NCAM1: variants seen among roughly 807,000 people sequenced by gnomAD.
The protein encoded by NCAM1 is antigen recognized by monoclonal antibody 5.1H11.
A neutral mutation model predicts 109.8 loss-of-function variants in NCAM1; 14 were observed. The observed-to-expected ratio is 0.13, with a 90% confidence interval of 0.08 to 0.20. The LOEUF is 0.20. Among genes scored for constraint, NCAM1 ranks in the 10% least tolerant of loss-of-function variants. The pLI is 1.00. For synonymous variants in NCAM1, 418 were observed against 442.9 expected, an observed-to-expected ratio of 0.94 and a Z score of 0.70; for missense variants, 774 against 1,109.9, an observed-to-expected ratio of 0.70 and a Z score of 4.30.
intron 17 of NCAM1, among the ~76,000 whole-genome samples, chr11:113,268,283 T>C (rs550561666): frequency 4.6e-5 from 7 of 152,372 alleles, no homozygotes; most frequent in African/African-American, 1.7e-4. Flanking sequence ...TGACCCATTC[T>C]AGCTGACGGC....
chr11:113,095,453 A>G (rs1939552868), intron 1 of NCAM1, among the ~76,000 whole-genome samples: 1 of 152,214 alleles, frequency 6.6e-6, no homozygotes, highest in Admixed American at 6.5e-5. Context: ...TACACAGTCC[A>G]GCAATTGCTT....
chr11:113,178,546 C>T (rs893454693), intron 1 of NCAM1, among the ~76,000 whole-genome samples: 5 of 152,204 alleles, frequency 3.3e-5, no homozygotes, highest in East Asian at 1.9e-4. Context: ...CTCCTTCATC[C>T]GGGAGGCCAA....
intron 1 of NCAM1, among the ~76,000 whole-genome samples, chr11:113,176,552 T>C (rs1943147835): frequency 6.6e-6 from 1 of 152,220 alleles, no homozygotes; most frequent in Non-Finnish European, 1.5e-5. Flanking sequence ...CCATCTGGTC[T>C]ACTCTGAGGT....
chr11:113,155,700 G>T (rs950358710), intron 1 of NCAM1, among the ~76,000 whole-genome samples: 1 of 152,022 alleles, frequency 6.6e-6, no homozygotes, highest in African/African-American at 2.4e-5. Context: ...TAGTTGCCCA[G>T]TTATATGTCC....
intron 1 of NCAM1, among the ~76,000 whole-genome samples, chr11:113,081,343 G>T (rs782463936): frequency 6.6e-6 from 1 of 152,106 alleles, no homozygotes; most frequent in Non-Finnish European, 1.5e-5. Flanking sequence ...GAAGTATGGC[G>T]GACGGTTCCC....
chr11:113,079,282 GA>G (rs1218645869), intron 1 of NCAM1, among the ~76,000 whole-genome samples: 6 of 152,212 alleles, frequency 3.9e-5, no homozygotes. Flanking sequence ...TGCTGAGATG[GA>G]GGCAACAGAG....
intron 9 of NCAM1, among the ~76,000 whole-genome samples, chr11:113,225,277 A>G (rs1298107814): frequency 2.6e-5 from 4 of 152,250 alleles, no homozygotes; most frequent in Non-Finnish European, 2.9e-5. Flanking sequence ...CGAGAACTAC[A>G]TGATGAATGC....
chr11:113,161,624 C>A (rs1942603425), intron 1 of NCAM1, among the ~76,000 whole-genome samples: 1 of 152,104 alleles, frequency 6.6e-6, no homozygotes. Flanking sequence ...ACATAAAATC[C>A]CCCTGCCTGT....
intron 15 of NCAM1, among the ~76,000 whole-genome samples, chr11:113,255,616 AAG>A (rs1491075962): frequency 6.6e-6 from 1 of 151,316 alleles, no homozygotes; most frequent in Non-Finnish European, 1.5e-5. Context: ...AAAAAAAAAA[AAG>A]CCTATTCCTA....
chr11:113,132,662 G>T (rs564896179), intron 1 of NCAM1, among the ~76,000 whole-genome samples: 1 of 151,390 alleles, frequency 6.6e-6, no homozygotes, highest in Non-Finnish European at 1.5e-5. Flanking sequence ...CAGAGCGGGG[G>T]TGGGGGAGCT....
chr11:113,254,745 C>G (rs1945791954), intron 15 of NCAM1, among the ~76,000 whole-genome samples: 1 of 152,156 alleles, frequency 6.6e-6, no homozygotes, highest in South Asian at 2.1e-4. Flanking sequence ...AGAGAGCAAG[C>G]CAGAGTGACC....
chr11:113,221,946 A>G (rs1002009469), intron 9 of NCAM1: 3 of 152,306 alleles, frequency 2.0e-5, no homozygotes, highest in Admixed American at 6.5e-5. Flanking sequence ...AGTCAGTAGC[A>G]TTTAACCTTT....
chr11:112,986,790 C>G (rs1193023772), intron 1 of NCAM1, among the ~76,000 whole-genome samples: 3 of 151,750 alleles, frequency 2.0e-5, no homozygotes, highest in Admixed American at 2.0e-4. Flanking sequence ...TCTTCTCTCT[C>G]TTTTTTTAGT....
In NCAM1 at chr11:113,195,910, G is replaced by GGC. The variant is rs1491555807; in HGVS notation, c.53-6468_53-6467insCG. ...CATTGGGAATTTTGTTTGTTTGCAG[G>GGC]GTGTGTGTGTGTGTGTGTGTGTGTG... On this transcript the variant is annotated intron_variant, in intron 1 of 19. Transcript: ENST00000316851. Among the ~76,000 whole-genome samples, 13 of 148,502 alleles carry GGC rather than the reference G, an allele frequency of 8.8e-5. No homozygotes were observed. In the East Asian group the frequency reaches 2.4e-3, roughly 27 times the overall value.
At chr11:113,015,073 A>G (rs1342649521) in intron 1 of NCAM1, among the ~76,000 whole-genome samples, 2 of 152,130 alleles carry the variant, frequency 1.3e-5, no homozygotes, top group African/African-American at 2.4e-5. Context: ...AATGCTCTCC[A>G]TGCATCTCTG....
chr11:113,088,117 C>T (rs537909911), intron 1 of NCAM1, among the ~76,000 whole-genome samples: 8 of 152,242 alleles, frequency 5.3e-5, no homozygotes, highest in African/African-American at 1.4e-4. Context: ...CAAAGTTTAA[C>T]GTTAGTCTTG....
chr11:113,097,465 T>C (rs1362693684), intron 1 of NCAM1, among the ~76,000 whole-genome samples: 4 of 151,724 alleles, frequency 2.6e-5, no homozygotes, highest in African/African-American at 9.7e-5. Context: ...TCATCTAACA[T>C]AGAGAGCTAT....
intron 1 of NCAM1, among the ~76,000 whole-genome samples, chr11:113,066,225 A>G (rs1555084209): frequency 6.6e-6 from 1 of 152,228 alleles, no homozygotes; most frequent in Non-Finnish European, 1.5e-5. Flanking sequence ...TGAGAAAAAA[A>G]AAATCTGTAG....
chr11:112,992,420 A>G (rs1172440821), intron 1 of NCAM1, among the ~76,000 whole-genome samples: 4 of 152,034 alleles, frequency 2.6e-5, no homozygotes, highest in Non-Finnish European at 5.9e-5. Context: ...ACTCATTTAC[A>G]TGGTTCAAAA....
Sources: gnomAD v4.1 joint callset for allele counts (sites outside exome capture counted in the v4.1 genomes callset) on GRCh38, gnomAD v4.1.1 for gene constraint, MANE v1.5 for transcripts, NCBI Gene and HGNC (gene_info 2026-07-23, HGNC 2026-07-21) for gene names.